TENM2: variants seen among roughly 807,000 people sequenced by gnomAD.
TENM2 encodes the protein teneurin transmembrane protein 2.
Under a neutral mutation model 245.2 loss-of-function variants are expected in TENM2, and 52 were observed. The observed-to-expected ratio is 0.21, with a 90% CI of 0.17 to 0.27. TENM2 has a LOEUF of 0.27. Among genes scored for constraint, TENM2 ranks in the 10% least tolerant of loss-of-function variants. The pLI, the probability that TENM2 is intolerant of heterozygous loss-of-function variation, is 1.00. For missense variants in TENM2, 3,046 were observed against 3,666.8 expected (o/e 0.83, Z 4.37); for synonymous variants, 1,363 against 1,438.9 (o/e 0.95, Z 1.19).
intron 2 of TENM2, among the ~76,000 whole-genome samples, chr5:167,586,101 C>G (rs994433763): frequency 4.6e-5 from 7 of 151,890 alleles, no homozygotes; most frequent in Admixed American, 2.0e-4. Context: ...GGTGACAGAG[C>G]GAGACTGTCT....
chr5:168,226,403 T>G, intron 24 of TENM2, 140 bp downstream of exon 26: 1 of 688,684 alleles, frequency 1.5e-6, no homozygotes, highest in East Asian at 2.7e-5. Context: ...TATTCAAGTG[T>G]CCACAGCAAA....
intron 2 of TENM2, among the ~76,000 whole-genome samples, chr5:167,813,494 A>T (rs1310230930): frequency 6.6e-6 from 1 of 151,892 alleles, no homozygotes; most frequent in East Asian, 1.9e-4. Context: ...GAGCAGGGAG[A>T]TGCATGTCTG....
chr5:168,137,844 T>A (rs1755189792), intron 12 of TENM2, among the ~76,000 whole-genome samples: 1 of 152,168 alleles, frequency 6.6e-6, no homozygotes, highest in African/African-American at 2.4e-5. Context: ...TTGCTTCCAT[T>A]TAATGGGGCC....
chr5:167,658,762 A>T (rs1020651902), intron 2 of TENM2, among the ~76,000 whole-genome samples: 1 of 152,140 alleles, frequency 6.6e-6, no homozygotes, highest in African/African-American at 2.4e-5. Flanking sequence ...AGAAGGACTA[A>T]TGTTTGGAAT....
chr5:167,004,268 C>T, the TENM2 span, among the ~76,000 whole-genome samples: 1 of 152,148 alleles, frequency 6.6e-6, no homozygotes, highest in East Asian at 1.9e-4. Context: ...TTTTACATCT[C>T]ATTGGAACAA....
At chr5:167,601,778 A>G (rs1268437936) in intron 2 of TENM2, among the ~76,000 whole-genome samples, 1 of 152,186 alleles carries the variant, frequency 6.6e-6, no homozygotes, top group Non-Finnish European at 1.5e-5. Flanking sequence ...ATTGCTATAA[A>G]TCTTCCCCTT....
chr5:167,887,415 G>GC (rs1774375238), intron 3 of TENM2, among the ~76,000 whole-genome samples: 1 of 152,194 alleles, frequency 6.6e-6, no homozygotes, highest in South Asian at 2.1e-4. Context: ...GGTGGCAGCA[G>GC]CCCCCACCCA....
In TENM2 at chr5:168,127,964, T is replaced by A. The variant is rs537251560; in HGVS notation, c.2422+998T>A. Among the ~76,000 whole-genome samples the A allele has an allele frequency of 2.0e-5, 3 of 152,292 alleles. No individual in the cohort carries two copies. The East Asian group carries it at 5.8e-4, about 29-fold the overall frequency. ...CCTGCCTAACAACCCCAGTCACAGA[T>A]GGGCCACCTGGAGTGAGAGACAGGG... On this transcript the variant is annotated intron_variant, in intron 12 of 28. Transcript: ENST00000518659.
the TENM2 span, among the ~76,000 whole-genome samples, chr5:167,101,822 G>A: frequency 1.3e-5 from 1 of 77,024 alleles, no homozygotes; most frequent in African/African-American, 4.4e-5. Context: ...TTCCCAGCTG[G>A]GGCTCTTGAC....
At chr5:167,273,770 G>T in the TENM2 span, among the ~76,000 whole-genome samples, 3 of 152,096 alleles carry the variant, frequency 2.0e-5, no homozygotes, top group African/African-American at 7.2e-5. Flanking sequence ...GAAAGGGGTG[G>T]TAAAATAATG....
At chr5:168,077,631 A>G (rs1791598132) in intron 7 of TENM2, among the ~76,000 whole-genome samples, 1 of 151,940 alleles carries the variant, frequency 6.6e-6, no homozygotes, top group Non-Finnish European at 1.5e-5. Context: ...CCTGTGTCCA[A>G]GTGTTCTCAT....
rs1359148656 is a variant in TENM2 at position 168,112,615 on chromosome 5, G to A, written c.1814-5677G>A. Reference sequence around the variant, plus strand: ...TACAGTGTGCAGTGGGCGGGGGGGGGGTCAAACTTTATTACTTTTCTACCA... The same window carrying A: ...TACAGTGTGCAGTGGGCGGGGGGGGAGTCAAACTTTATTACTTTTCTACCA... On this transcript the variant is annotated intron_variant, in intron 9 of 28. Coordinates refer to ENST00000518659, the Ensembl canonical transcript of TENM2. Among the ~76,000 whole-genome samples, 5 of 112,836 alleles carry A rather than the reference G, an allele frequency of 4.4e-5. 1 individual carries two copies. Among genetic ancestry groups the A allele is most frequent in the African/African-American group, 1.7e-4 (5 of 29,142 alleles). 74.0% of individuals were successfully genotyped at this position (112,836 alleles called of 152,430 possible). A position where few individuals can be genotyped will look rare whatever the true frequency, so the allele number is the denominator to read the frequency against.
intron 9 of TENM2, among the ~76,000 whole-genome samples, chr5:168,108,974 G>T (rs549519868): frequency 6.6e-6 from 1 of 152,276 alleles, no homozygotes; most frequent in Non-Finnish European, 1.5e-5. Flanking sequence ...TCGGGTCTCA[G>T]CTGTCCTTCC....
chr5:167,545,521 C>T (rs1772502645), intron 2 of TENM2, among the ~76,000 whole-genome samples: 1 of 152,110 alleles, frequency 6.6e-6, no homozygotes, highest in Non-Finnish European at 1.5e-5. Context: ...TGTCACGGCT[C>T]CCAAATAAAA....
intron 25 of TENM2, among the ~76,000 whole-genome samples, chr5:168,233,707 T>C (rs1255218687): frequency 6.6e-6 from 1 of 152,150 alleles, no homozygotes; most frequent in Non-Finnish European, 1.5e-5. Context: ...ACGCTGCTGA[T>C]AAAGACATAC....
chr5:167,378,864 CT>C (rs35919553), intron 2 of TENM2, among the ~76,000 whole-genome samples: 73,203 of 136,076 alleles, frequency 0.54, 19,809 homozygotes, highest in African/African-American at 0.71. Flanking sequence ...TAAAAATTTC[CT>C]TTTTTTTTTT....
chr5:167,736,448 A>G (rs954493498), intron 2 of TENM2, among the ~76,000 whole-genome samples: 4 of 152,142 alleles, frequency 2.6e-5, no homozygotes, highest in Non-Finnish European at 5.9e-5. Flanking sequence ...ATTTACCTAT[A>G]GTTAGTGATT....
chr5:167,764,003 C>T (rs993108841), intron 2 of TENM2, among the ~76,000 whole-genome samples: 1 of 152,018 alleles, frequency 6.6e-6, no homozygotes, highest in East Asian at 1.9e-4. Flanking sequence ...TCAGAATTTC[C>T]AAGCCACTCC....
chr5:168,163,805 C>T (rs1466992697), intron 13 of TENM2, among the ~76,000 whole-genome samples: 1 of 152,206 alleles, frequency 6.6e-6, no homozygotes, highest in African/African-American at 2.4e-5. Flanking sequence ...CATCTGAAGA[C>T]ACAAATGATT....
Sources: allele counts gnomAD v4.1 joint callset (sites outside exome capture counted in the v4.1 genomes callset), GRCh38; gene constraint gnomAD v4.1.1; transcripts MANE v1.5; gene names NCBI Gene and HGNC (gene_info 2026-07-23, HGNC 2026-07-21).